Variants in VAV2 observed in about 807,000 individuals in gnomAD.
VAV2 encodes the protein vav guanine nucleotide exchange factor 2.
A neutral mutation model predicts 132.5 loss-of-function variants in VAV2; 67 were observed. The observed-to-expected ratio is 0.51, with a 90% CI of 0.42 to 0.62. The LOEUF (loss-of-function observed/expected upper bound fraction) is 0.62, where lower values mean the gene tolerates loss of function less well. VAV2 is among the 20% of genes least tolerant of loss of function. The pLI, the probability that VAV2 is intolerant of heterozygous loss-of-function variation, is 0.00. For missense variants in VAV2, 938 were observed against 1,153.6 expected (o/e 0.81, Z 2.71); for synonymous variants, 492 against 443.5 (o/e 1.11, Z -1.37).
chr9:133,795,313 T>C (rs1834663962), intron 12 of VAV2, among the ~76,000 whole-genome samples: 1 of 151,942 alleles, frequency 6.6e-6, no homozygotes, highest in South Asian at 2.1e-4. Flanking sequence ...GGTGGCATTT[T>C]AGAAGCAGAA....
At chr9:133,921,881 C>G (rs541415617) in intron 2 of VAV2, among the ~76,000 whole-genome samples, 3 of 152,344 alleles carry the variant, frequency 2.0e-5, no homozygotes, top group South Asian at 2.1e-4. Context: ...GTGCTGGATG[C>G]GAGTGTGGTT....
intron 29 of VAV2, 65 bp from the exon 30 acceptor site, chr9:133,764,174 C>CT: frequency 7.5e-6 from 12 of 1,605,980 alleles, no homozygotes; most frequent in Non-Finnish European, 1.0e-5. Context: ...GTGTGCATGT[C>CT]TATGTTGGGG....
At chr9:133,968,544 C>T (rs372059068) in intron 1 of VAV2, among the ~76,000 whole-genome samples, 1 of 152,134 alleles carries the variant, frequency 6.6e-6, no homozygotes, top group Admixed American at 6.5e-5. Context: ...TCCCATGGTC[C>T]CCAGGGTCCC....
At chr9:133,924,414 T>G (rs1159330590) in intron 2 of VAV2, among the ~76,000 whole-genome samples, 1 of 152,216 alleles carries the variant, frequency 6.6e-6, no homozygotes, top group Admixed American at 6.5e-5. Flanking sequence ...CTCGAACTCC[T>G]GGCCTCAAGT....
chr9:133,914,184 C>T (rs1006752776), intron 2 of VAV2, among the ~76,000 whole-genome samples: 4 of 152,152 alleles, frequency 2.6e-5, no homozygotes, highest in African/African-American at 9.7e-5. Context: ...TGTCTCACAG[C>T]GGGCTAAGCA....
chr9:133,844,748 C>G (rs1022091182), intron 3 of VAV2, among the ~76,000 whole-genome samples: 1 of 152,196 alleles, frequency 6.6e-6, no homozygotes, highest in Non-Finnish European at 1.5e-5. Context: ...GAAAGGTGGA[C>G]AGAGTGACTA....
At chr9:133,878,103 A>T (rs1838336236) in intron 2 of VAV2, among the ~76,000 whole-genome samples, 1 of 152,132 alleles carries the variant, frequency 6.6e-6, no homozygotes, top group African/African-American at 2.4e-5. Flanking sequence ...TCAGCAGGCG[A>T]AGTCTCTTTG....
chr9:133,882,321 C>T (rs754050317), intron 2 of VAV2, among the ~76,000 whole-genome samples: 20 of 152,372 alleles, frequency 1.3e-4, no homozygotes, highest in East Asian at 1.9e-4. Flanking sequence ...CCCAAAGGGG[C>T]GGCCCTGCTG....
intron 2 of VAV2, among the ~76,000 whole-genome samples, chr9:133,922,394 C>T (rs150204415): frequency 1.6e-3 from 241 of 152,300 alleles, no homozygotes; most frequent in African/African-American, 5.6e-3. Context: ...TGTAGGGGCA[C>T]GGGGCAGAAA....
rs1442255421 is a variant in VAV2, at chr9:133,769,179, C to A, written c.2434+238G>T. Reference sequence around the variant, plus strand: ...CTGGGAAAGTGGCCATCAGGGTGGGCGTGTCCACAGGGGGTGGGTGGTGAC... The same window carrying A: ...CTGGGAAAGTGGCCATCAGGGTGGGAGTGTCCACAGGGGGTGGGTGGTGAC... On this transcript the variant is annotated intron_variant, in intron 28 of 29. Transcript: ENST00000371850. The surrounding 1 kb of genome is among the most constrained non-coding windows in gnomAD (Gnocchi z 8.1). Among the ~76,000 whole-genome samples the A allele has an allele frequency of 6.6e-6, 1 of 152,218 alleles. No homozygotes were observed. The highest frequency in any genetic ancestry group is 1.5e-5 in the Non-Finnish European group (1 of 68,044).
chr9:133,864,950 C>T (rs1000007348), intron 2 of VAV2, among the ~76,000 whole-genome samples: 1 of 152,220 alleles, frequency 6.6e-6, no homozygotes, highest in Non-Finnish European at 1.5e-5. Context: ...CCAATGTCTT[C>T]AGGTTGTAGG....
chr9:133,925,872 CTTGGTCTCATTT>C, intron 2 of VAV2: 1 of 151,982 alleles, frequency 6.6e-6, no homozygotes, highest in Non-Finnish European at 1.5e-5. Flanking sequence ...TTTTCTCCTT[CTTGGTCTCATTT>C]GGCTTTTTTG....
intron 21 of VAV2, 143 bp downstream of exon 21, chr9:133,779,775 G>A: frequency 8.9e-7 from 1 of 1,121,024 alleles, no homozygotes. Context: ...GCAAGAGGGA[G>A]GGGGCCCAGA....
intron 1 of VAV2, among the ~76,000 whole-genome samples, chr9:133,990,702 G>A (rs1408908919): frequency 6.6e-6 from 1 of 152,160 alleles, no homozygotes; most frequent in Non-Finnish European, 1.5e-5. Context: ...GCCATAAAAT[G>A]GAGTCCAGAC....
At chr9:133,987,892 A>G (rs902082006) in intron 1 of VAV2, among the ~76,000 whole-genome samples, 1 of 152,270 alleles carries the variant, frequency 6.6e-6, no homozygotes, top group Non-Finnish European at 1.5e-5. Flanking sequence ...TGCCAGCTTC[A>G]GAAGAAATGA....
chr9:133,781,174 G>A (rs1051923472), intron 19 of VAV2, among the ~76,000 whole-genome samples: 3 of 152,240 alleles, frequency 2.0e-5, no homozygotes, highest in Non-Finnish European at 4.4e-5. Flanking sequence ...GGCAAGTGAT[G>A]AGGAGGCATT....
intron 3 of VAV2, among the ~76,000 whole-genome samples, chr9:133,850,102 G>T (rs1210098847): frequency 2.0e-5 from 3 of 152,158 alleles, no homozygotes; most frequent in African/African-American, 7.2e-5. Flanking sequence ...CTCACTGGTT[G>T]GGTCCCTCAC....
intron 4 of VAV2, among the ~76,000 whole-genome samples, 177 bp from the exon 5 acceptor site, chr9:133,812,393 G>A (rs140319650): frequency 5.3e-5 from 8 of 152,346 alleles, no homozygotes; most frequent in Admixed American, 2.0e-4. Flanking sequence ...CTGTGGGTGC[G>A]AACTGGGCAG....
At chr9:133,835,132 C>T (rs188849461) in intron 3 of VAV2, among the ~76,000 whole-genome samples, 1 of 152,306 alleles carries the variant, frequency 6.6e-6, no homozygotes, top group East Asian at 1.9e-4. Context: ...AACTGTCATG[C>T]ATATGTACAT....
Sources: gnomAD v4.1 joint callset for allele counts (sites outside exome capture counted in the v4.1 genomes callset) on GRCh38, gnomAD v4.1.1 for gene constraint, Gnocchi (gnomAD v3.1) non-coding constraint, MANE v1.5 for transcripts, NCBI Gene and HGNC (gene_info 2026-07-23, HGNC 2026-07-21) for gene names.